FAIM2: variants seen among roughly 807,000 people sequenced by gnomAD.
FAIM2 encodes the protein Fas apoptotic inhibitory molecule 2, also known as protein lifeguard 2.
Under a neutral mutation model 47.4 loss-of-function variants are expected in FAIM2, and 27 were observed. That is an observed-to-expected ratio of 0.57 (90% confidence interval 0.42 to 0.78). The LOEUF is 0.78. FAIM2 is among the 30% of genes least tolerant of loss of function. The probability of loss-of-function intolerance (pLI) is 0.00; values close to 1 mark genes in which losing one functional copy is unlikely to be tolerated. For missense variants in FAIM2, 311 were observed against 389.4 expected (o/e 0.80, Z 1.69); for synonymous variants, 156 against 159.3 (o/e 0.98, Z 0.16).
intron 11 of FAIM2, among the ~76,000 whole-genome samples, chr12:49,877,793 TATG>T (rs1252487346): frequency 7.2e-5 from 11 of 152,098 alleles, no homozygotes; most frequent in African/African-American, 2.2e-4. Context: ...CATGTGTATA[TATG>T]TGTGTGAGTG....
intron 11 of FAIM2, among the ~76,000 whole-genome samples, chr12:49,880,504 ATGAGTGTG>A (rs1946810159): frequency 1.5e-5 from 2 of 135,544 alleles, no homozygotes; most frequent in African/African-American, 2.9e-5. Context: ...ATGTGTGTGT[ATGAGTGTG>A]TATGTGCATG....
At chr12:49,894,445 G>A (rs995080907) in intron 5 of FAIM2, among the ~76,000 whole-genome samples, 2 of 152,188 alleles carry the variant, frequency 1.3e-5, no homozygotes, top group Admixed American at 6.5e-5. Context: ...GGAGGGAGGC[G>A]ATGAGGGCCT....
At chr12:49,897,771 C>CG (rs1555160259) in intron 3 of FAIM2, among the ~76,000 whole-genome samples, 188 bp from the exon 4 acceptor site, 4 of 152,046 alleles carry the variant, frequency 2.6e-5, no homozygotes, top group Non-Finnish European at 5.9e-5. Flanking sequence ...CGCACCCCCC[C>CG]CCAGCATTGG....
At chr12:49,878,829 AGTGT>A (rs1946770391) in intron 11 of FAIM2, among the ~76,000 whole-genome samples, 35 of 41,692 alleles carry the variant, frequency 8.4e-4, no homozygotes, top group Middle Eastern at 0.016. Flanking sequence ...TGTATATGTG[AGTGT>A]ATGTGTGTGC....
chr12:49,894,419 T>A (rs1487076617), intron 5 of FAIM2, among the ~76,000 whole-genome samples: 1 of 151,326 alleles, frequency 6.6e-6, no homozygotes, highest in African/African-American at 2.4e-5. Flanking sequence ...AATCAGACAA[T>A]AAGGTGAGAA....
rs1375537611 is a variant in FAIM2, at chr12:49,878,401, T to A, written c.802-7748A>T. Among the ~76,000 whole-genome samples, 130 of 69,740 alleles carry A rather than the reference T, an allele frequency of 1.9e-3. 17 individuals carry two copies. The highest frequency in any genetic ancestry group is 3.0e-3 in the Non-Finnish European group (110 of 37,212). The allele number at this position is 69,740 out of a possible 152,430, so 45.8% of individuals were successfully genotyped here. ...GCATGTGTGTATATGTGTGTGTCTG[T>A]GTGCATGTGAGTGTATGTGTGTGTA... On this transcript the variant is annotated intron_variant, in intron 11 of 11. Coordinates refer to ENST00000320634, the MANE Select transcript of FAIM2 (RefSeq NM_012306.4).
chr12:49,884,304 A>G (rs1023341860), intron 11 of FAIM2, among the ~76,000 whole-genome samples: 3 of 151,802 alleles, frequency 2.0e-5, no homozygotes, highest in Non-Finnish European at 4.4e-5. Flanking sequence ...GAAGAAGGAG[A>G]GAGGGAGGAG....
At chr12:49,879,784 ATG>A (rs535684212) in intron 11 of FAIM2, among the ~76,000 whole-genome samples, 286 of 148,824 alleles carry the variant, frequency 1.9e-3, no homozygotes, top group South Asian at 0.016. Flanking sequence ...ATATATGTGC[ATG>A]TGTGTATGTG....
In FAIM2 at chr12:49,870,556, A is replaced by G; in HGVS notation, c.899T>C (p.Ile300Thr). The change falls in exon 12 of 12, where the codon ATC (isoleucine) becomes ACC (threonine). Residue 300 changes from isoleucine (I) to threonine (T), a missense_variant. Coordinates refer to ENST00000320634, the MANE Select transcript of FAIM2 (RefSeq NM_012306.4). ...CAGGAAGAAGGTGAAGATATAGATG[A>G]TGTCTAGGTAAATGTTGAGGGCTCC... is the stretch of plus-strand genomic sequence containing the variant. The part of the protein sequence containing the change: ...IFGALNIYLD[I>T]IYIFTFFLQL... The G allele has an allele frequency of 6.2e-7, 1 of 1,613,760 alleles. No individual in the cohort carries two copies. Among genetic ancestry groups the G allele is most frequent in the South Asian group, 1.1e-5 (1 of 91,058 alleles).
At chr12:49,880,458 ATG>A (rs144354032) in intron 11 of FAIM2, among the ~76,000 whole-genome samples, 1,732 of 147,178 alleles carry the variant, frequency 0.012, 19 homozygotes, top group Non-Finnish European at 0.018. Flanking sequence ...GTGCATGTGT[ATG>A]TGTGTGTGCA....
Position 49,897,076 on chromosome 12 carries a change from A to G in FAIM2, c.389T>C (p.Val130Ala). The change falls in exon 5 of 12, where the codon GTC becomes GCC. Residue 130 changes from valine to alanine, a missense_variant. Transcript: ENST00000320634. Reference protein sequence around the residue: ...VVALFTFCDPVKDYVQANPGW... With the variant: ...VVALFTFCDPAKDYVQANPGW... ...TGGGTTGGCCTGGACATAGTCCTTG[A>G]CAGGGTCACTGCAGAGAAGAGAGAG... is the stretch of plus-strand genomic sequence containing the variant. 6.2e-7 allele frequency: 1 copy of G among 1,613,500 alleles called. No individual in the cohort carries two copies. The highest frequency in any genetic ancestry group is 8.5e-7 in the Non-Finnish European group (1 of 1,179,426).
chr12:49,877,950 G>A (rs1040046773), intron 11 of FAIM2, among the ~76,000 whole-genome samples: 61 of 149,390 alleles, frequency 4.1e-4, no homozygotes, highest in African/African-American at 1.0e-3. Flanking sequence ...GTATATGTGC[G>A]TATGTGTGTG....
Position 49,878,387 on chromosome 12 carries a change from T to TGTGTGTGTGTGTGC in FAIM2, c.802-7735_802-7734insGCACACACACACAC, listed in dbSNP as rs1565613164. On this transcript the variant is annotated intron_variant, in intron 11 of 11. Transcript: ENST00000320634. ...ATATGTGGGCATGTGCATGTGTGTA[T>TGTGTGTGTGTGTGC]ATGTGTGTGTCTGTGTGCATGTGAG... Among the ~76,000 whole-genome samples, 49 of 33,540 alleles carry TGTGTGTGTGTGTGC rather than the reference T, an allele frequency of 1.5e-3. 5 individuals carry two copies. The highest frequency in any genetic ancestry group is 1.5e-3 in the Admixed American group (5 of 3,424). 22.0% of individuals were successfully genotyped at this position (33,540 alleles called of 152,430 possible).
At chr12:49,880,205 T>C (rs1380041785) in intron 11 of FAIM2, among the ~76,000 whole-genome samples, 1 of 151,180 alleles carries the variant, frequency 6.6e-6, no homozygotes, top group African/African-American at 2.4e-5. Flanking sequence ...TGCATGTGTG[T>C]GTGCATGTGT....
chr12:49,878,237 T>A (rs1946756346), intron 11 of FAIM2, among the ~76,000 whole-genome samples: 1 of 130,694 alleles, frequency 7.7e-6, no homozygotes, highest in African/African-American at 3.0e-5. Context: ...CATGAGTGTA[T>A]GTGTGTATAT....
intron 1 of FAIM2, chr12:49,902,976 A>AGGGGGAGTGT (rs1410803544): frequency 1.5e-4 from 23 of 152,226 alleles, no homozygotes; most frequent in African/African-American, 5.6e-4. Flanking sequence ...AAAGAGAAGA[A>AGGGGGAGTGT]GGGGGAGTGT....
At chr12:49,877,713 G>C (rs149597364) in intron 11 of FAIM2, among the ~76,000 whole-genome samples, 1 of 88,512 alleles carries the variant, frequency 1.1e-5, no homozygotes, top group Non-Finnish European at 2.2e-5. Flanking sequence ...ATGTGTGTGC[G>C]CGCACACGGC....
rs1383336572 is a variant in FAIM2, at chr12:49,887,428, G to A, written c.759C>T (p.Leu253=). 2 of 1,611,476 alleles carry A rather than the reference G, an allele frequency of 1.2e-6. No homozygotes were observed. The highest frequency in any genetic ancestry group is 2.2e-5 in the East Asian group (1 of 44,814). ...ILLPFQYVPW[L]HAVYAALGAG... ...CTCCCAGTGCTGCATAAACTGCATG[G>A]AGCCAGGGCACCTGCGGCAGAGGAA... Residue 253 remains leucine, a synonymous_variant, in exon 11 of 12, where the codon CTC becomes CTT. Transcript: ENST00000320634.
At chr12:49,899,775 G>A (rs1395781976) in intron 2 of FAIM2, among the ~76,000 whole-genome samples, 1 of 152,198 alleles carries the variant, frequency 6.6e-6, no homozygotes, top group Admixed American at 6.5e-5. Context: ...TCAGCTCTCT[G>A]AGGACAGAGA....
Sources: gnomAD v4.1 joint callset for allele counts (sites outside exome capture counted in the v4.1 genomes callset) on GRCh38, gnomAD v4.1.1 for gene constraint, MANE v1.5 for transcripts, NCBI Gene and HGNC (gene_info 2026-07-23, HGNC 2026-07-21) for gene names.